The following C5orf63 variants were observed in gnomAD, a reference collection of about 807,000 sequenced individuals.
C5orf63 encodes the protein glutaredoxin-like protein C5orf63.
C5orf63 carries 18 observed loss-of-function variants against 13.3 expected under a neutral mutation model. The ratio of observed to expected loss-of-function variants is 1.36; its 90% CI spans 0.94 to 2.01. The LOEUF (loss-of-function observed/expected upper bound fraction) is 2.01. Among genes scored for constraint, C5orf63 ranks in the 30% most tolerant of loss-of-function variants. The pLI, the probability that C5orf63 is intolerant of heterozygous loss-of-function variation, is 0.00. For synonymous variants in C5orf63, 38 were observed against 44.7 expected, an observed-to-expected ratio of 0.85 and a Z score of 0.60; for missense variants, 118 against 127.7, an observed-to-expected ratio of 0.92 and a Z score of 0.36.
At chr5:127,072,793 T>G (rs1177122400) in intron 1 of C5orf63, among the ~76,000 whole-genome samples, 2 of 152,210 alleles carry the variant, frequency 1.3e-5, no homozygotes, top group Non-Finnish European at 2.9e-5. Context: ...GTGGGGACTT[T>G]TCTACCCTTG....
chr5:127,070,650 T>C (rs1459332409), intron 2 of C5orf63, among the ~76,000 whole-genome samples: 1 of 152,200 alleles, frequency 6.6e-6, no homozygotes, highest in Non-Finnish European at 1.5e-5. Context: ...AGGTCCTCTA[T>C]CCTTAAGGCA....
At chr5:127,058,290 T>C (rs774743628) in intron 3 of C5orf63, among the ~76,000 whole-genome samples, 2 of 152,216 alleles carry the variant, frequency 1.3e-5, no homozygotes, top group Non-Finnish European at 2.9e-5. Flanking sequence ...GAACATGCAG[T>C]ATTTGATTTT....
chr5:127,060,714 G>A (rs1174002534), intron 2 of C5orf63, among the ~76,000 whole-genome samples: 1 of 152,042 alleles, frequency 6.6e-6, no homozygotes, highest in Non-Finnish European at 1.5e-5. Flanking sequence ...TCCTCGTTTT[G>A]TACTTGCTTT....
At chr5:127,060,638 C>T (rs1194096118) in intron 2 of C5orf63, among the ~76,000 whole-genome samples, 1 of 152,212 alleles carries the variant, frequency 6.6e-6, no homozygotes, top group African/African-American at 2.4e-5. Context: ...TTTCCCCTCC[C>T]TTGCCTTGGC....
intron 2 of C5orf63, among the ~76,000 whole-genome samples, chr5:127,059,883 C>T (rs534615806): frequency 3.9e-5 from 6 of 152,168 alleles, no homozygotes; most frequent in South Asian, 4.1e-4. Context: ...TGGTGGCTCA[C>T]GCCTGTAATC....
chr5:127,066,470 A>G (rs1268325076), intron 2 of C5orf63, among the ~76,000 whole-genome samples: 1 of 152,084 alleles, frequency 6.6e-6, no homozygotes. Context: ...TTGCCAATGA[A>G]TTGGACATGA....
downstream of C5orf63, chr5:127,046,414 TTCTG>T (rs1753521845): frequency 6.6e-6 from 1 of 152,332 alleles, no homozygotes; most frequent in African/African-American, 2.4e-5. Flanking sequence ...TGATATCTCT[TTCTG>T]TCTGACTCCC....
chr5:127,048,101 G>A (rs1339295805), downstream of C5orf63, among the ~76,000 whole-genome samples: 1 of 151,972 alleles, frequency 6.6e-6, no homozygotes, highest in Admixed American at 6.6e-5. Flanking sequence ...CCTGATTTGG[G>A]CAAATGGGCT....
intron 2 of C5orf63, among the ~76,000 whole-genome samples, chr5:127,064,076 T>C (rs778277679): frequency 6.6e-6 from 1 of 152,060 alleles, no homozygotes; most frequent in African/African-American, 2.4e-5. Flanking sequence ...GTCATTGGTG[T>C]CCAAACCTCT....
chr5:127,053,502 T>C (rs1027398199), intron 3 of C5orf63, among the ~76,000 whole-genome samples: 2 of 152,172 alleles, frequency 1.3e-5, no homozygotes, highest in African/African-American at 4.8e-5. Flanking sequence ...GTTACACATG[T>C]ATACATGTGC....
chr5:127,067,749 C>G (rs892549938), intron 2 of C5orf63, among the ~76,000 whole-genome samples: 2 of 152,014 alleles, frequency 1.3e-5, no homozygotes, highest in African/African-American at 2.4e-5. Context: ...ATTATTTTAC[C>G]AAGGATATCC....
intron 2 of C5orf63, among the ~76,000 whole-genome samples, chr5:127,070,863 C>A (rs1208065490): frequency 6.6e-6 from 1 of 152,196 alleles, no homozygotes; most frequent in East Asian, 1.9e-4. Context: ...CAGGCCAGAT[C>A]TCCTTGGAAG....
At chr5:127,046,823 G>C (rs1237146156), downstream of C5orf63, 1 of 152,292 alleles carries the variant, frequency 6.6e-6, no homozygotes, top group African/African-American at 2.4e-5. Context: ...CAGTAATGAT[G>C]GGCATAAGCA....
chr5:127,068,339 A>G (rs559178966), intron 2 of C5orf63, among the ~76,000 whole-genome samples: 19 of 152,282 alleles, frequency 1.2e-4, no homozygotes, highest in African/African-American at 4.3e-4. Context: ...AAATTCACTT[A>G]TAGATCCAGG....
chr5:127,063,841 A>G (rs933228048), intron 2 of C5orf63, among the ~76,000 whole-genome samples: 7 of 152,182 alleles, frequency 4.6e-5, no homozygotes, highest in African/African-American at 1.7e-4. Context: ...ATTTATTACT[A>G]TCTAAGTGTA....
At chr5:127,062,662 T>C (rs1754152541) in intron 2 of C5orf63, among the ~76,000 whole-genome samples, 1 of 152,204 alleles carries the variant, frequency 6.6e-6, no homozygotes, top group Non-Finnish European at 1.5e-5. Context: ...CCTAACACCA[T>C]TGCTGTCAAT....
rs144616472 is a variant in C5orf63, at chr5:127,059,181, T to C, written c.-7-179A>G. 4.4e-3 allele frequency among the ~76,000 whole-genome samples: 673 copies of C among 152,330 alleles called. 4 individuals carry two copies. Among genetic ancestry groups the C allele is most frequent in the African/African-American group, 0.015 (642 of 41,570 alleles). The stretch of plus-strand genomic sequence containing the variant: ...GTCTCTCTGATGCCTCAACATTCAT[T>C]GTATTCCGAACGAAACAGAATTTAG... On this transcript the variant is annotated intron_variant, in intron 2 of 4. Transcript: ENST00000296662.
chr5:127,048,042 G>T (rs572730996), downstream of C5orf63: 2 of 580,478 alleles, frequency 3.4e-6, no homozygotes. Context: ...AGGCTGTGCA[G>T]GTTATTGGGA....
At chr5:127,042,880 G>A (rs766842628), downstream of C5orf63, 7 of 151,778 alleles carry the variant, frequency 4.6e-5, no homozygotes, top group African/African-American at 7.3e-5. Flanking sequence ...TCTCCTCTCC[G>A]CTGTTTAGTT....
Sources: allele counts gnomAD v4.1 joint callset (sites outside exome capture counted in the v4.1 genomes callset), GRCh38; gene constraint gnomAD v4.1.1; transcripts MANE v1.5; gene names NCBI Gene and HGNC (gene_info 2026-07-23, HGNC 2026-07-21).